IL17RD: variants seen among roughly 807,000 people sequenced by gnomAD.
The protein encoded by IL17RD is interleukin 17 receptor D, also known as interleukin-17 receptor D.
In IL17RD, 52 loss-of-function variants were observed where a neutral mutation model predicts 80.5. The observed-to-expected ratio is 0.65, with a 90% CI of 0.52 to 0.81. The LOEUF (loss-of-function observed/expected upper bound fraction) is 0.81. Ranked by LOEUF, IL17RD falls within the 40% of genes least tolerant of loss-of-function variation. IL17RD has a pLI of 0.00. For missense variants in IL17RD, 1,024 were observed against 955.1 expected (o/e 1.07, Z -0.95); for synonymous variants, 416 against 391.8 (o/e 1.06, Z -0.73).
chr3:57,164,955 C>A lies in IL17RD; in HGVS notation c.126+206G>T. The A allele has an allele frequency of 2.3e-6, 3 of 1,314,356 alleles. No individual in the cohort carries two copies. In the South Asian group the frequency reaches 5.7e-5, roughly 25 times the overall value. 81.4% of individuals were successfully genotyped at this position (1,314,356 alleles called of 1,614,324 possible). ...TTAGCAACACAAAGCCGGGGTCGGG[C>A]AGCCGCTTTCATCTCGGCCAGGGCC... On this transcript the variant is annotated intron_variant, in intron 1 of 12. Coordinates refer to ENST00000296318, the MANE Select transcript of IL17RD (RefSeq NM_017563.5).
chr3:57,100,200 T>C (rs1457460205), intron 11 of IL17RD, among the ~76,000 whole-genome samples: 3 of 152,144 alleles, frequency 2.0e-5, no homozygotes, highest in Admixed American at 2.0e-4. Flanking sequence ...TTGGCTAGAG[T>C]GTAGTTATTT....
chr3:57,120,890 A>G (rs1707322613), intron 1 of IL17RD, among the ~76,000 whole-genome samples: 1 of 152,222 alleles, frequency 6.6e-6, no homozygotes, highest in Non-Finnish European at 1.5e-5. Flanking sequence ...AAAAGAAAAA[A>G]GACTTTAAAA....
At chr3:57,114,543 A>C in intron 3 of IL17RD, 149 bp downstream of exon 3, 5 of 632,790 alleles carry the variant, frequency 7.9e-6, no homozygotes, top group Non-Finnish European at 1.3e-5. Context: ...CCCAGCAAAT[A>C]TATGCAACAA....
In IL17RD at chr3:57,134,277, G is replaced by A. The variant is rs967215478; in HGVS notation, c.127-13964C>T. The A allele has an allele frequency of 8.8e-6, 6 of 682,242 alleles. No individual in the cohort carries two copies. The African/African-American group carries it at 8.8e-5, about 10-fold the overall frequency. 42.3% of individuals were successfully genotyped at this position (682,242 alleles called of 1,614,324 possible). ...GCAGATCCAGAAGCTGATCAAAGATGGGCTGATCATCTACAAACCTGTGAC... is the reference window on the plus strand; with the variant it reads ...GCAGATCCAGAAGCTGATCAAAGATAGGCTGATCATCTACAAACCTGTGAC... On this transcript the variant is annotated intron_variant, in intron 1 of 12. Transcript: ENST00000296318.
chr3:57,124,332 G>A (rs1056980490), intron 1 of IL17RD, among the ~76,000 whole-genome samples: 1 of 152,198 alleles, frequency 6.6e-6, no homozygotes, highest in Non-Finnish European at 1.5e-5. Flanking sequence ...CAGAGCAAAA[G>A]GGACTATGGA....
At chr3:57,127,795 G>A (rs1354164596) in intron 1 of IL17RD, among the ~76,000 whole-genome samples, 1 of 152,088 alleles carries the variant, frequency 6.6e-6, no homozygotes, top group South Asian at 2.1e-4. Context: ...AACGTACAAC[G>A]GGACTAACAT....
chr3:57,117,529 A>G (rs1467066989), intron 2 of IL17RD, among the ~76,000 whole-genome samples: 1 of 152,256 alleles, frequency 6.6e-6, no homozygotes, highest in Non-Finnish European at 1.5e-5. Flanking sequence ...GACTTATAAA[A>G]TTTAATTTTG....
chr3:57,134,413 T>C (rs1277810027), intron 1 of IL17RD: 1 of 727,818 alleles, frequency 1.4e-6, no homozygotes. Context: ...CCAGGGAACG[T>C]AACTTGGATG....
chr3:57,131,753 A>G (rs968371959), intron 1 of IL17RD, among the ~76,000 whole-genome samples: 4 of 152,246 alleles, frequency 2.6e-5, no homozygotes, highest in African/African-American at 9.6e-5. Flanking sequence ...ACATTGGCAC[A>G]TGGTATTTTC....
At position 57,104,327 on chromosome 3, in the gene IL17RD, T is replaced by C. The variant is rs771850740; in HGVS notation, c.813+15A>G. On this transcript the variant is annotated intron_variant, in intron 8 of 12. Coordinates refer to ENST00000296318, the MANE Select transcript of IL17RD (RefSeq NM_017563.5). ...ATTCTATAGCATTAATAGGGCTTTC[T>C]TGTGTTATGCATACCTCAATTATAT... is the stretch of plus-strand genomic sequence containing the variant. 4 of 1,574,714 alleles carry C rather than the reference T, an allele frequency of 2.5e-6. No individual in the cohort carries two copies. Among genetic ancestry groups the C allele is most frequent in the African/African-American group, 2.7e-5 (2 of 74,410 alleles).
upstream of IL17RD, chr3:57,165,379 G>C: frequency 9.2e-7 from 1 of 1,081,352 alleles, no homozygotes. Context: ...CGGCCGCGGC[G>C]GCAGCGAAGG....
Position 57,098,135 on chromosome 3 carries a change from T to G in IL17RD, c.1568A>C (p.Gln523Pro), listed in dbSNP as rs1486690159. The G allele has an allele frequency of 6.2e-7, 1 of 1,613,870 alleles. No homozygotes were observed. Among genetic ancestry groups the G allele is most frequent in the Non-Finnish European group, 8.5e-7 (1 of 1,179,850 alleles). Residue 523 changes from glutamine to proline, a missense_variant, in exon 12 of 13, where the codon CAG (glutamine) becomes CCG (proline). Transcript: ENST00000296318. ...SRDHGLQEPGQHTRQGSRRNY... is the reference protein window; with the variant it reads ...SRDHGLQEPGPHTRQGSRRNY... The stretch of plus-strand genomic sequence containing the variant: ...CCTTCTGCTGCCCTGTCGCGTGTGC[T>G]GCCCCGGCTCCTGGAGGCCGTGGTC...
chr3:57,109,433 C>T, intron 5 of IL17RD, 104 bp downstream of exon 5: 2 of 1,313,376 alleles, frequency 1.5e-6, no homozygotes, highest in South Asian at 2.8e-5. Context: ...GTGTGAGCCA[C>T]CGCGCCCGGC....
In IL17RD at chr3:57,097,980, G is replaced by A. The variant is rs1165355738; in HGVS notation, c.1723C>T (p.Arg575Trp). ...VPFHPPPLRY[R>W]EPVLEKFDSG... ...TCAAATTTCTCCAAGACTGGCTCCCGGTAGCGCAGTGGAGGAGGATGGAAG... is the reference window on the plus strand; with the variant it reads ...TCAAATTTCTCCAAGACTGGCTCCCAGTAGCGCAGTGGAGGAGGATGGAAG... Residue 575 changes from arginine to tryptophan, a missense_variant, in exon 12 of 13, where the codon CGG becomes TGG. Arg to Trp is a moderately radical substitution (Grantham distance 101, BLOSUM62 -3). Coordinates refer to ENST00000296318, the MANE Select transcript of IL17RD (RefSeq NM_017563.5). 1.4e-5 allele frequency: 22 copies of A among 1,613,882 alleles called. No homozygotes were observed. Among genetic ancestry groups the A allele is most frequent in the African/African-American group, 5.3e-5 (4 of 74,908 alleles).
intron 8 of IL17RD, among the ~76,000 whole-genome samples, chr3:57,103,350 A>G (rs1485030802): frequency 2.0e-5 from 3 of 152,132 alleles, no homozygotes; most frequent in Non-Finnish European, 4.4e-5. Context: ...TGCTTTACCA[A>G]CTCGAAACTC....
intron 1 of IL17RD, among the ~76,000 whole-genome samples, chr3:57,161,642 GA>G (rs146059173): frequency 0.013 from 2,047 of 152,222 alleles, 45 homozygotes; most frequent in African/African-American, 0.047. Context: ...CCCACTGCAG[GA>G]AAAGCCACTA....
intron 1 of IL17RD, among the ~76,000 whole-genome samples, chr3:57,140,359 G>A (rs1446463047): frequency 1.3e-5 from 2 of 152,162 alleles, no homozygotes; most frequent in South Asian, 2.1e-4. Flanking sequence ...ACTGGTCTAC[G>A]AGCTAGCATT....
At chr3:57,153,259 T>C (rs575721598) in intron 1 of IL17RD, among the ~76,000 whole-genome samples, 1 of 152,322 alleles carries the variant, frequency 6.6e-6, no homozygotes, top group African/African-American at 2.4e-5. Flanking sequence ...AATACAACAA[T>C]TTCACACAGA....
Position 57,105,930 on chromosome 3 carries a change from A to T in IL17RD, c.674T>A (p.Phe225Tyr), listed in dbSNP as rs1267536085. Residue 225 changes from phenylalanine (F) to tyrosine (Y), a missense_variant, in exon 7 of 13, where the codon TTC becomes TAC. Phe to Tyr is a conservative substitution (Grantham distance 22, BLOSUM62 3). Transcript: ENST00000296318. Reference protein sequence around the residue: ...QVSFDHAPHNFGFRFFYLHYK... With the variant: ...QVSFDHAPHNYGFRFFYLHYK... ...GTGAAGATAGAAGAAACGGAAGCCGAAGTTGTGCGGTGCATGGTCGAAGGA... is the reference window on the plus strand; with the variant it reads ...GTGAAGATAGAAGAAACGGAAGCCGTAGTTGTGCGGTGCATGGTCGAAGGA... 6.2e-7 allele frequency: 1 copy of T among 1,613,740 alleles called. No homozygotes were observed. The highest frequency in any genetic ancestry group is 8.5e-7 in the Non-Finnish European group (1 of 1,179,854).
Sources: gnomAD v4.1 joint callset for allele counts (sites outside exome capture counted in the v4.1 genomes callset) on GRCh38, gnomAD v4.1.1 for gene constraint, MANE v1.5 for transcripts, NCBI Gene and HGNC (gene_info 2026-07-23, HGNC 2026-07-21) for gene names.